SORBS2: variants seen among roughly 807,000 people sequenced by gnomAD.
SORBS2 encodes sorbin and SH3 domain-containing protein 2.
In SORBS2, 46 loss-of-function variants were observed where a neutral mutation model predicts 97.7. That is an observed-to-expected ratio of 0.47 (90% CI 0.37 to 0.60). SORBS2 has a LOEUF of 0.60. Among genes scored for constraint, SORBS2 ranks in the 20% least tolerant of loss-of-function variants. The pLI is 0.00. For missense variants in SORBS2, 1,316 were observed against 1,282.3 expected, an observed-to-expected ratio of 1.03 and a Z score of -0.40; for synonymous variants, 476 against 473.4, an observed-to-expected ratio of 1.01 and a Z score of -0.07.
intron 1 of SORBS2, among the ~76,000 whole-genome samples, chr4:185,868,219 C>G (rs181013619): frequency 1.5e-5 from 2 of 130,570 alleles, no homozygotes; most frequent in South Asian, 2.5e-4. Flanking sequence ...TGCAGTGGCA[C>G]GATCTTGGCT....
chr4:185,731,661 T>TCC (rs2098631983), intron 2 of SORBS2, among the ~76,000 whole-genome samples: 1 of 86,718 alleles, frequency 1.2e-5, no homozygotes, highest in African/African-American at 4.9e-5. Context: ...TCTCCCTCCC[T>TCC]ATCTCTCTCC....
At chr4:185,696,547 G>A (rs985388496) in intron 2 of SORBS2, among the ~76,000 whole-genome samples, 7 of 152,050 alleles carry the variant, frequency 4.6e-5, no homozygotes, top group African/African-American at 7.2e-5. Context: ...TCTGCCTCCC[G>A]GGGTCAAGTG....
At chr4:185,890,659 G>A (rs1176582224) in intron 1 of SORBS2, among the ~76,000 whole-genome samples, 1 of 152,158 alleles carries the variant, frequency 6.6e-6, no homozygotes, top group Non-Finnish European at 1.5e-5. Flanking sequence ...ATGCTTTCTG[G>A]TGCCCTGCTC....
At chr4:185,789,553 A>G (rs2099071228) in intron 1 of SORBS2, among the ~76,000 whole-genome samples, 2 of 150,792 alleles carry the variant, frequency 1.3e-5, no homozygotes, top group Admixed American at 6.6e-5. Flanking sequence ...TATAATCAAG[A>G]AATTAAATAT....
intron 9 of SORBS2, among the ~76,000 whole-genome samples, chr4:185,615,798 A>G (rs2096617808): frequency 6.6e-6 from 1 of 152,208 alleles, no homozygotes; most frequent in Non-Finnish European, 1.5e-5. Context: ...ACATATGCCA[A>G]TGCTTGCCTT....
chr4:185,781,999 G>A (rs780652828), intron 1 of SORBS2, among the ~76,000 whole-genome samples: 7 of 152,182 alleles, frequency 4.6e-5, no homozygotes, highest in Non-Finnish European at 1.0e-4. Flanking sequence ...ATCAGCTCCC[G>A]CTTGCCCCTC....
intron 2 of SORBS2, among the ~76,000 whole-genome samples, chr4:185,707,761 CAAG>C (rs1178504714): frequency 6.6e-6 from 1 of 152,092 alleles, no homozygotes; most frequent in African/African-American, 2.4e-5. Context: ...TGACAGCAGG[CAAG>C]AGAGCTTGTG....
At chr4:185,745,612 T>C (rs542407033) in intron 2 of SORBS2, among the ~76,000 whole-genome samples, 4 of 152,344 alleles carry the variant, frequency 2.6e-5, no homozygotes, top group African/African-American at 7.2e-5. Context: ...CTATACTTAA[T>C]AGCTATATTT....
intron 4 of SORBS2, among the ~76,000 whole-genome samples, chr4:185,676,779 G>A (rs1465124333): frequency 6.6e-6 from 1 of 151,960 alleles, no homozygotes; most frequent in Non-Finnish European, 1.5e-5. Context: ...ATGATTTCTG[G>A]ATGAAAGATC....
chr4:185,719,177 T>C lies in SORBS2; in HGVS notation c.-197-40355A>G, dbSNP rs572386876. Among the ~76,000 whole-genome samples, 136 of 152,322 alleles carry C rather than the reference T, an allele frequency of 8.9e-4. 2 individuals carry two copies. In the South Asian group the frequency reaches 0.027, roughly 31 times the overall value. ...GAAACTACTCTGGCAAATAATTTTC[T>C]TAGAGAGAGGTTACCGAGAAAAGAG... On this transcript the variant is annotated intron_variant, in intron 2 of 20. Transcript: ENST00000284776.
At chr4:185,612,915 C>A (rs1350104937) in intron 11 of SORBS2, among the ~76,000 whole-genome samples, 2 of 152,194 alleles carry the variant, frequency 1.3e-5, no homozygotes, top group East Asian at 3.9e-4. Context: ...TTCACCCTGA[C>A]AATGGAAACC....
chr4:185,874,858 ATTT>A (rs111821985), intron 1 of SORBS2, among the ~76,000 whole-genome samples: 2 of 93,102 alleles, frequency 2.1e-5, no homozygotes, highest in Non-Finnish European at 4.9e-5. Flanking sequence ...CCTTACCCTG[ATTT>A]TTTTTTTTTT....
intron 2 of SORBS2, among the ~76,000 whole-genome samples, chr4:185,688,890 A>G (rs958039427): frequency 1.3e-5 from 2 of 152,186 alleles, no homozygotes; most frequent in African/African-American, 4.8e-5. Flanking sequence ...TCCAATCATT[A>G]TACATTAAGT....
At chr4:185,698,367 G>A (rs545369355) in intron 2 of SORBS2, among the ~76,000 whole-genome samples, 10 of 152,152 alleles carry the variant, frequency 6.6e-5, no homozygotes, top group African/African-American at 1.7e-4. Context: ...TCCCAGCTAC[G>A]TGGGAGGCTG....
chr4:185,939,548 T>C (rs1379485140), intron 1 of SORBS2, among the ~76,000 whole-genome samples: 1 of 152,172 alleles, frequency 6.6e-6, no homozygotes, highest in Non-Finnish European at 1.5e-5. Flanking sequence ...TGCACTCTTG[T>C]TGCCCAGGCT....
intron 1 of SORBS2, among the ~76,000 whole-genome samples, chr4:185,902,751 G>C (rs1045056186): frequency 6.6e-6 from 1 of 151,682 alleles, no homozygotes; most frequent in Non-Finnish European, 1.5e-5. Flanking sequence ...TTGCTTTCTG[G>C]ATCTTGCTAA....
At chr4:185,612,392 C>A (rs2096553723) in intron 11 of SORBS2, among the ~76,000 whole-genome samples, 1 of 152,120 alleles carries the variant, frequency 6.6e-6, no homozygotes, top group Non-Finnish European at 1.5e-5. Flanking sequence ...TCAGAAAGTG[C>A]ACCATAGCTT....
intron 1 of SORBS2, among the ~76,000 whole-genome samples, chr4:185,858,359 A>G (rs1200774334): frequency 1.3e-5 from 2 of 152,188 alleles, no homozygotes; most frequent in Non-Finnish European, 2.9e-5. Flanking sequence ...ACTGTGAGCT[A>G]AATAAACCTC....
chr4:185,737,310 G>A, intron 2 of SORBS2, among the ~76,000 whole-genome samples: 1 of 152,104 alleles, frequency 6.6e-6, no homozygotes, highest in South Asian at 2.1e-4. Context: ...AAGCAAAGTG[G>A]CTGGGGACAG....
Sources: allele counts gnomAD v4.1 joint callset (sites outside exome capture counted in the v4.1 genomes callset), GRCh38; gene constraint gnomAD v4.1.1; transcripts MANE v1.5; gene names NCBI Gene and HGNC (gene_info 2026-07-23, HGNC 2026-07-21).